LIMCH1: variants seen among roughly 807,000 people sequenced by gnomAD.
The protein encoded by LIMCH1 is LIM and calponin homology domains-containing protein 1.
In LIMCH1, 113 loss-of-function variants were observed where a neutral mutation model predicts 176.5. The observed-to-expected ratio is 0.64, with a 90% CI of 0.55 to 0.75. The LOEUF is 0.75. LIMCH1 is among the 30% of genes least tolerant of loss of function. The pLI is 0.00. For synonymous variants in LIMCH1, 619 were observed against 645.9 expected, an observed-to-expected ratio of 0.96 and a Z score of 0.63; for missense variants, 1,674 against 1,814.9, an observed-to-expected ratio of 0.92 and a Z score of 1.41.
At chr4:41,465,197 A>G (rs1401090396) in intron 1 of LIMCH1, among the ~76,000 whole-genome samples, 1 of 151,864 alleles carries the variant, frequency 6.6e-6, no homozygotes, top group African/African-American at 2.4e-5. Flanking sequence ...AGAGCCCCCA[A>G]CTTTCTTCCC....
At chr4:41,671,443 A>G in intron 21 of LIMCH1, 111 bp from the exon 22 acceptor site, 1 of 602,156 alleles carries the variant, frequency 1.7e-6, no homozygotes, top group South Asian at 1.9e-5. Context: ...CACACACAAA[A>G]TTGGTTTAAA....
chr4:41,585,797 C>T (rs899208468), intron 1 of LIMCH1, among the ~76,000 whole-genome samples: 2 of 152,066 alleles, frequency 1.3e-5, no homozygotes, highest in Non-Finnish European at 2.9e-5. Context: ...GTTTAACTTC[C>T]AACTCATCTC....
At chr4:41,513,847 A>T (rs1439537403) in intron 2 of LIMCH1, among the ~76,000 whole-genome samples, 1 of 147,438 alleles carries the variant, frequency 6.8e-6, no homozygotes, top group African/African-American at 2.4e-5. Context: ...TCTACTAAAA[A>T]ATATGAAAAG....
chr4:41,624,653 G>A (rs570762160), intron 7 of LIMCH1, among the ~76,000 whole-genome samples: 7 of 152,054 alleles, frequency 4.6e-5, no homozygotes, highest in African/African-American at 1.7e-4. Context: ...ATTCCCAGGG[G>A]GACTAACAGG....
chr4:41,420,811 CT>C (rs1282612711), intron 1 of LIMCH1, among the ~76,000 whole-genome samples: 1 of 152,240 alleles, frequency 6.6e-6, no homozygotes, highest in African/African-American at 2.4e-5. Context: ...TACCTTGTGG[CT>C]GCCAAGAGCT....
intron 1 of LIMCH1, among the ~76,000 whole-genome samples, chr4:41,485,879 T>C (rs1184988685): frequency 6.6e-6 from 1 of 152,026 alleles, no homozygotes; most frequent in African/African-American, 2.4e-5. Context: ...CCTATGTAGG[T>C]GTAAGATGAC....
At chr4:41,650,705 T>G in intron 18 of LIMCH1, 97 bp downstream of exon 18, 1 of 1,060,082 alleles carries the variant, frequency 9.4e-7, no homozygotes, top group Non-Finnish European at 1.4e-6. Flanking sequence ...GACCATTTCT[T>G]TCTATGTTGG....
chr4:41,661,321 C>A, intron 18 of LIMCH1, 99 bp from the exon 19 acceptor site: 1 of 819,674 alleles, frequency 1.2e-6, no homozygotes, highest in Non-Finnish European at 2.0e-6. Context: ...TTCATATGGC[C>A]AAACCACTTT....
intron 1 of LIMCH1, among the ~76,000 whole-genome samples, chr4:41,447,891 A>C (rs1320488452): frequency 1.3e-5 from 2 of 152,108 alleles, no homozygotes; most frequent in African/African-American, 4.8e-5. Flanking sequence ...CCTGGGTTCA[A>C]GTGATTCTCC....
intron 1 of LIMCH1, among the ~76,000 whole-genome samples, chr4:41,562,175 C>T (rs1445455492): frequency 6.6e-6 from 1 of 152,128 alleles, no homozygotes; most frequent in Non-Finnish European, 1.5e-5. Context: ...GAAAAAGAGG[C>T]CCATCAACCT....
At chr4:41,399,823 G>A (rs1295626893) in intron 1 of LIMCH1, among the ~76,000 whole-genome samples, 4 of 145,552 alleles carry the variant, frequency 2.7e-5, no homozygotes, top group Non-Finnish European at 6.0e-5. Flanking sequence ...CTGGGAGTGT[G>A]CCACCATGCC....
chr4:41,547,787 ATATAT>A (rs2079725630), intron 1 of LIMCH1, among the ~76,000 whole-genome samples: 2 of 144,736 alleles, frequency 1.4e-5, no homozygotes, highest in African/African-American at 2.5e-5. Flanking sequence ...TATAATATAC[ATATAT>A]TATAAATAAA....
At chr4:41,655,618 CT>C (rs964609901) in intron 18 of LIMCH1, among the ~76,000 whole-genome samples, 2 of 152,102 alleles carry the variant, frequency 1.3e-5, no homozygotes, top group Non-Finnish European at 2.9e-5. Flanking sequence ...ATGTGGACAG[CT>C]TTTTCTAGAA....
chr4:41,415,193 G>T, intron 1 of LIMCH1, among the ~76,000 whole-genome samples: 1 of 152,032 alleles, frequency 6.6e-6, no homozygotes, highest in East Asian at 1.9e-4. Flanking sequence ...TAACCTTCCT[G>T]AAAATGCAGA....
At chr4:41,412,898 G>A (rs962915954) in intron 1 of LIMCH1, among the ~76,000 whole-genome samples, 1 of 152,116 alleles carries the variant, frequency 6.6e-6, no homozygotes, top group African/African-American at 2.4e-5. Flanking sequence ...TAAAAAAAAT[G>A]GTTTAGCTCA....
intron 2 of LIMCH1, among the ~76,000 whole-genome samples, chr4:41,503,749 T>A (rs989872926): frequency 1.3e-5 from 2 of 152,166 alleles, no homozygotes; most frequent in Non-Finnish European, 2.9e-5. Context: ...CTTGGGAGTG[T>A]TGCCGGAGAA....
In LIMCH1 at chr4:41,633,528, T is replaced by C; in HGVS notation, c.1830-20T>C. On this transcript the variant is annotated intron_variant, in intron 12 of 31. Transcript: ENST00000503057. ...TAGCAGTAAGTGGCCTTTGACTGGC[T>C]GGACTGAATGTTGCCCTAGGGTGTG... 1 of 1,533,204 alleles carries C rather than the reference T, an allele frequency of 6.5e-7. No individual in the cohort carries two copies. Among genetic ancestry groups the C allele is most frequent in the Non-Finnish European group, 8.7e-7 (1 of 1,144,826 alleles). The allele number at this position is 1,533,204 out of a possible 1,614,324, so 95.0% of individuals were successfully genotyped here. A position where few individuals can be genotyped will look rare whatever the true frequency, so the allele number is the denominator to read the frequency against.
upstream of LIMCH1, among the ~76,000 whole-genome samples, chr4:41,534,744 A>G (rs1394161791): frequency 6.6e-6 from 1 of 152,102 alleles, no homozygotes; most frequent in Non-Finnish European, 1.5e-5. Flanking sequence ...TCCCCCTCCA[A>G]ATTATAGTAT....
intron 1 of LIMCH1, among the ~76,000 whole-genome samples, chr4:41,492,455 G>A (rs182460753): frequency 1.3e-5 from 2 of 152,056 alleles, no homozygotes; most frequent in African/African-American, 4.8e-5. Context: ...AGGGGGAGGG[G>A]GAGGGGGACT....
Sources: allele counts gnomAD v4.1 joint callset (sites outside exome capture counted in the v4.1 genomes callset), GRCh38; gene constraint gnomAD v4.1.1; transcripts MANE v1.5; gene names NCBI Gene and HGNC (gene_info 2026-07-23, HGNC 2026-07-21).